MACROD2: variants seen among roughly 807,000 people sequenced by gnomAD.
The protein encoded by MACROD2 is mono-ADP ribosylhydrolase 2.
MACROD2 carries 36 observed loss-of-function variants against 70.4 expected under a neutral mutation model. The observed-to-expected ratio is 0.51, with a 90% CI of 0.39 to 0.68. The LOEUF is 0.68. MACROD2 is among the 30% of genes least tolerant of loss of function. MACROD2 has a pLI of 0.00. For synonymous variants in MACROD2, 172 were observed against 178.8 expected, an observed-to-expected ratio of 0.96 and a Z score of 0.30; for missense variants, 496 against 538.4, an observed-to-expected ratio of 0.92 and a Z score of 0.78.
At chr20:15,042,959 G>T (rs904727813) in intron 5 of MACROD2, among the ~76,000 whole-genome samples, 1 of 152,180 alleles carries the variant, frequency 6.6e-6, no homozygotes, top group Admixed American at 6.5e-5. Flanking sequence ...TGGTTTAGGT[G>T]TTTCTTTCCC....
At chr20:14,285,108 AG>A (rs2082333733) in intron 3 of MACROD2, among the ~76,000 whole-genome samples, 2 of 152,172 alleles carry the variant, frequency 1.3e-5, no homozygotes, top group Non-Finnish European at 2.9e-5. Flanking sequence ...CAGAAAGGAA[AG>A]AAAAAAATAC....
chr20:14,139,279 T>A (rs1174649663), intron 3 of MACROD2, among the ~76,000 whole-genome samples: 1 of 152,200 alleles, frequency 6.6e-6, no homozygotes, highest in Non-Finnish European at 1.5e-5. Context: ...CGTGAGCCAT[T>A]CCGCCCAGCC....
intron 7 of MACROD2, among the ~76,000 whole-genome samples, chr20:15,451,026 C>T (rs151312997): frequency 8.3e-4 from 126 of 152,162 alleles, no homozygotes; most frequent in Non-Finnish European, 1.5e-3. Context: ...TCCTTTGGGA[C>T]ATTGTTAAAA....
intron 13 of MACROD2, among the ~76,000 whole-genome samples, chr20:15,969,438 T>C (rs1405666268): frequency 1.3e-5 from 2 of 152,176 alleles, no homozygotes; most frequent in East Asian, 1.9e-4. Context: ...ATGTTGAGTA[T>C]GTATAAGGAG....
rs2066497543 is a variant in MACROD2 at position 15,987,157 on chromosome 20, AG to A, written c.1153+1del. 1 of 1,605,208 alleles carries A rather than the reference AG, an allele frequency of 6.2e-7. No individual in the cohort carries two copies. Among genetic ancestry groups the A allele is most frequent in the Non-Finnish European group, 8.5e-7 (1 of 1,176,220 alleles). On this transcript the variant is annotated frameshift_variant and splice_region_variant, in exon 15 of 18. Coordinates refer to ENST00000684519, the MANE Select transcript of MACROD2 (RefSeq NM_001351661.2). LOFTEE classifies it high-confidence loss of function. ...ACCAAGAAGAAAAAGAAGGTGAAAA[AG>A]GTAGGACTGCTCTTAAATTAACCCA... is the stretch of plus-strand genomic sequence containing the variant. ...EDQEEKEGEK[A>X]PGEDTPRMPG...
chr20:15,296,636 C>T (rs2077591826), intron 6 of MACROD2, among the ~76,000 whole-genome samples: 1 of 152,214 alleles, frequency 6.6e-6, no homozygotes, highest in African/African-American at 2.4e-5. Context: ...CAATCTCCCC[C>T]ACTGCACTCT....
chr20:15,837,979 GT>G, intron 8 of MACROD2, among the ~76,000 whole-genome samples: 1 of 152,218 alleles, frequency 6.6e-6, no homozygotes, highest in Non-Finnish European at 1.5e-5. Context: ...TGGCACTTGA[GT>G]TTTTGTAGCA....
At chr20:15,577,292 G>A (rs1244049578) in intron 8 of MACROD2, among the ~76,000 whole-genome samples, 1 of 151,502 alleles carries the variant, frequency 6.6e-6, no homozygotes, top group African/African-American at 2.4e-5. Flanking sequence ...ACCAGTTATC[G>A]ACTCACATCT....
At chr20:15,814,284 C>G (rs1277145748) in intron 8 of MACROD2, among the ~76,000 whole-genome samples, 2 of 152,286 alleles carry the variant, frequency 1.3e-5, no homozygotes, top group Admixed American at 1.3e-4. Flanking sequence ...TCCTGGTCAG[C>G]AGAAGACTAC....
chr20:15,473,207 G>A (rs1055883068), intron 7 of MACROD2, among the ~76,000 whole-genome samples: 7 of 152,154 alleles, frequency 4.6e-5, no homozygotes, highest in African/African-American at 1.7e-4. Context: ...GGGAAGATTA[G>A]AAACAATATA....
At chr20:15,001,245 G>C (rs1833308765) in intron 5 of MACROD2, among the ~76,000 whole-genome samples, 2 of 152,132 alleles carry the variant, frequency 1.3e-5, no homozygotes, top group South Asian at 4.2e-4. Flanking sequence ...TAAGCTACCA[G>C]ATCACCTCTC....
chr20:15,057,219 A>G (rs978557179), intron 5 of MACROD2, among the ~76,000 whole-genome samples: 3 of 152,242 alleles, frequency 2.0e-5, no homozygotes, highest in African/African-American at 7.2e-5. Context: ...TTTTCTTTAC[A>G]TGATAGGATA....
intron 6 of MACROD2, among the ~76,000 whole-genome samples, chr20:15,303,262 C>T (rs2077664403): frequency 6.6e-6 from 1 of 152,120 alleles, no homozygotes; most frequent in African/African-American, 2.4e-5. Context: ...TGTCTTTTAA[C>T]AGCAGAATTG....
chr20:15,996,280 A>G (rs1482060745), intron 15 of MACROD2, among the ~76,000 whole-genome samples: 3 of 152,026 alleles, frequency 2.0e-5, no homozygotes, highest in Admixed American at 1.3e-4. Context: ...ACCTTATCTC[A>G]TATCTATTGC....
At chr20:14,834,864 A>G (rs1175878218) in intron 5 of MACROD2, among the ~76,000 whole-genome samples, 1 of 151,886 alleles carries the variant, frequency 6.6e-6, no homozygotes, top group East Asian at 1.9e-4. Context: ...ATATATATTT[A>G]TATGTGTGTA....
intron 6 of MACROD2, among the ~76,000 whole-genome samples, chr20:15,314,944 A>G (rs997773413): frequency 3.3e-5 from 5 of 152,210 alleles, no homozygotes; most frequent in Non-Finnish European, 7.3e-5. Context: ...TGCTAGGCCA[A>G]TGCAAGCAGG....
At chr20:15,768,401 A>C (rs533231439) in intron 8 of MACROD2, among the ~76,000 whole-genome samples, 1 of 152,328 alleles carries the variant, frequency 6.6e-6, no homozygotes, top group East Asian at 1.9e-4. Flanking sequence ...ATAGCTCAAC[A>C]TAGAAAAGAT....
chr20:14,160,223 T>A (rs2055165268), intron 3 of MACROD2, among the ~76,000 whole-genome samples: 1 of 152,200 alleles, frequency 6.6e-6, no homozygotes, highest in African/African-American at 2.4e-5. Flanking sequence ...ATCAGGATAA[T>A]GCTGATCTTA....
intron 5 of MACROD2, among the ~76,000 whole-genome samples, chr20:15,078,354 A>C (rs1304497182): frequency 6.6e-6 from 1 of 152,204 alleles, no homozygotes; most frequent in African/African-American, 2.4e-5. Context: ...TCAAGAGGCT[A>C]CCCAATTTTT....
Sources: allele counts gnomAD v4.1 joint callset (sites outside exome capture counted in the v4.1 genomes callset), GRCh38; gene constraint gnomAD v4.1.1; transcripts MANE v1.5; gene names NCBI Gene and HGNC (gene_info 2026-07-23, HGNC 2026-07-21).